Variants in RRP1B observed in about 807,000 individuals in gnomAD.
The protein encoded by RRP1B is ribosomal RNA processing 1B, also known as ribosomal RNA processing protein 1 homolog B.
Under a neutral mutation model 80.2 loss-of-function variants are expected in RRP1B, and 56 were observed. The ratio of observed to expected loss-of-function variants is 0.70; its 90% confidence interval spans 0.56 to 0.87. The LOEUF is 0.87. Among genes scored for constraint, RRP1B ranks in the 40% least tolerant of loss-of-function variants. RRP1B has a pLI of 0.00. For synonymous variants in RRP1B, 351 were observed against 357.6 expected (o/e 0.98, Z 0.21); for missense variants, 807 against 939.8 (o/e 0.86, Z 1.85).
chr21:43,677,124 T>TG (rs748502433), intron 8 of RRP1B, among the ~76,000 whole-genome samples: 2 of 152,210 alleles, frequency 1.3e-5, no homozygotes, highest in African/African-American at 4.8e-5. Context: ...ATCTGTCCCA[T>TG]GTGGCATACA....
intron 7 of RRP1B, among the ~76,000 whole-genome samples, 157 bp from the exon 8 acceptor site, chr21:43,676,576 G>C (rs922466772): frequency 1.3e-5 from 2 of 152,236 alleles, no homozygotes; most frequent in African/African-American, 4.8e-5. Context: ...CGTGCCTGTC[G>C]GGTGGCACTT....
chr21:43,677,480 C>G (rs1368189405), intron 8 of RRP1B, among the ~76,000 whole-genome samples: 1 of 152,178 alleles, frequency 6.6e-6, no homozygotes, highest in Non-Finnish European at 1.5e-5. Context: ...TTTATGGCAT[C>G]TGAATGCACA....
In RRP1B at chr21:43,659,734, CG is replaced by C; in HGVS notation, c.73del (p.Asp25ThrfsTer4). 6.5e-7 allele frequency: 1 copy of C among 1,532,646 alleles called. No individual in the cohort carries two copies. Among genetic ancestry groups the C allele is most frequent in the South Asian group, 1.2e-5 (1 of 82,082 alleles). The allele number at this position is 1,532,646 out of a possible 1,614,324, so 94.9% of individuals were successfully genotyped here. A position where few individuals can be genotyped will look rare whatever the true frequency, so the allele number is the denominator to read the frequency against. ...QRLASSEKGI[R>X]DRAVKKLRQY... ...GCTGGCGTCCAGCGAGAAGGGCATC[CG>C]GGACCGAGCGGTGAAGAAGCTGCGC... On this transcript the variant is annotated frameshift_variant, in exon 1 of 16. Coordinates refer to ENST00000340648, the MANE Select transcript of RRP1B (RefSeq NM_015056.3). LOFTEE classifies it high-confidence loss of function. The surrounding 1 kb of genome is among the most constrained non-coding windows in gnomAD (Gnocchi z 4.2).
At chr21:43,675,214 C>T (rs761284335) in intron 6 of RRP1B, 51 bp downstream of exon 6, 20 of 1,589,704 alleles carry the variant, frequency 1.3e-5, no homozygotes, top group Non-Finnish European at 1.6e-5. Flanking sequence ...CGCCAGTGTT[C>T]GCAGTAGTCG....
intron 8 of RRP1B, among the ~76,000 whole-genome samples, chr21:43,679,782 G>A (rs929010892): frequency 6.6e-6 from 1 of 152,144 alleles, no homozygotes; most frequent in Non-Finnish European, 1.5e-5. Context: ...ATGTGCTTCT[G>A]TATTTCCATT....
At chr21:43,688,885 G>A (rs1007458514) in intron 13 of RRP1B, among the ~76,000 whole-genome samples, 1 of 152,192 alleles carries the variant, frequency 6.6e-6, no homozygotes, top group Non-Finnish European at 1.5e-5. Flanking sequence ...CACCTCCCAG[G>A]TTCAAGCGAT....
At chr21:43,681,376 A>G (rs1305274205) in intron 8 of RRP1B, among the ~76,000 whole-genome samples, 1 of 139,134 alleles carries the variant, frequency 7.2e-6, no homozygotes, top group East Asian at 2.1e-4. Flanking sequence ...TTTTTTTGAG[A>G]TGGAGTTTCG....
At position 43,684,613 on chromosome 21, in the gene RRP1B, C is replaced by T. The variant is rs1016643338; in HGVS notation, c.952C>T (p.His318Tyr). 1 of 1,614,040 alleles carries T rather than the reference C, an allele frequency of 6.2e-7. No homozygotes were observed. Among genetic ancestry groups the T allele is most frequent in the African/African-American group, 1.3e-5 (1 of 74,914 alleles). ...LEMTSRKNTP[H>Y]FNRKRLSKLI... ...AATGACCAGCAGGAAGAACACGCCC[C>T]ACTTCAACAGGAAGCGCCTCTCCAA... The change falls in exon 10 of 16, where the codon CAC (histidine) becomes TAC (tyrosine). Residue 318 changes from histidine to tyrosine, a missense_variant. By Grantham distance (83) the His-to-Tyr change is moderately conservative (BLOSUM62 2). Transcript: ENST00000340648.
chr21:43,682,096 CATCTCTAAAA>C (rs957873389), intron 8 of RRP1B, among the ~76,000 whole-genome samples: 5 of 152,184 alleles, frequency 3.3e-5, no homozygotes, highest in Non-Finnish European at 5.9e-5. Context: ...ATGAGACCCC[CATCTCTAAAA>C]CAAAACGAAA....
At position 43,686,831 on chromosome 21, in the gene RRP1B, C is replaced by T. The variant is rs750282721; in HGVS notation, c.1037C>T (p.Ala346Val). ...EGSSISQLSF[A>V]EDISADEDDQ... is the part of the protein sequence containing the mutation. ...AGCAGTATATCTCAACTCAGTTTTGCGGAGGACATTTCTGCTGATGAAGAT... is the reference window on the plus strand; with the variant it reads ...AGCAGTATATCTCAACTCAGTTTTGTGGAGGACATTTCTGCTGATGAAGAT... The change falls in exon 12 of 16, where the codon GCG becomes GTG. Residue 346 changes from alanine (A) to valine (V), a missense_variant. By Grantham distance (64) the Ala-to-Val change is moderately conservative (BLOSUM62 0). Coordinates refer to ENST00000340648, the MANE Select transcript of RRP1B (RefSeq NM_015056.3). 1.7e-5 allele frequency: 28 copies of T among 1,613,762 alleles called. No homozygotes were observed. The highest frequency in any genetic ancestry group is 2.7e-5 in the African/African-American group (2 of 74,806).
intron 1 of RRP1B, among the ~76,000 whole-genome samples, chr21:43,665,059 G>A (rs956264198): frequency 2.0e-5 from 3 of 152,154 alleles, no homozygotes; most frequent in Non-Finnish European, 2.9e-5. Flanking sequence ...TTGTCACTCC[G>A]TCAGAATCTA....
intron 8 of RRP1B, among the ~76,000 whole-genome samples, chr21:43,681,554 C>T (rs1272886003): frequency 6.6e-6 from 1 of 152,112 alleles, no homozygotes; most frequent in African/African-American, 2.4e-5. Flanking sequence ...AGGCTGGTCT[C>T]GAACTCCCGA....
chr21:43,689,738 C>G (rs1490495032), intron 13 of RRP1B, among the ~76,000 whole-genome samples: 1 of 152,262 alleles, frequency 6.6e-6, no homozygotes, highest in Non-Finnish European at 1.5e-5. Context: ...CTTCCCTGCC[C>G]TCCAGGCGGC....
At chr21:43,674,611 T>A in intron 4 of RRP1B, 25 bp from the exon 5 acceptor site, 1 of 1,430,198 alleles carries the variant, frequency 7.0e-7, no homozygotes, top group Non-Finnish European at 9.5e-7. Context: ...TTTTTTTTTT[T>A]TAAACAAAAA....
At position 43,693,125 on chromosome 21, in the gene RRP1B, C is replaced by G. The variant is rs2083093699; in HGVS notation, c.2084-65C>G. The stretch of plus-strand genomic sequence containing the variant: ...GGTCGGCACCCAGGCAGGACGCTGT[C>G]TAAGGTGTTGAAGGGACAGCTGTCG... On this transcript the variant is annotated intron_variant, in intron 15 of 15. Transcript: ENST00000340648. The surrounding 1 kb of genome is among the most constrained non-coding windows in gnomAD (Gnocchi z 4.1). The G allele has an allele frequency of 1.3e-6, 2 of 1,562,140 alleles. No individual in the cohort carries two copies. Among genetic ancestry groups the G allele is most frequent in the Non-Finnish European group, 1.8e-6 (2 of 1,138,958 alleles).
At chr21:43,685,331 C>G (rs1309387346) in intron 10 of RRP1B, among the ~76,000 whole-genome samples, 1 of 152,218 alleles carries the variant, frequency 6.6e-6, no homozygotes, top group Non-Finnish European at 1.5e-5. Flanking sequence ...ATGCACCTCC[C>G]CACACTGCGC....
chr21:43,660,147 G>A (rs2082944826), intron 1 of RRP1B, among the ~76,000 whole-genome samples: 1 of 152,188 alleles, frequency 6.6e-6, no homozygotes, highest in Non-Finnish European at 1.5e-5. Flanking sequence ...GCACCTTTAC[G>A]TGACGGGGCT....
In RRP1B at chr21:43,661,518, C is replaced by T. The variant is rs373579619; in HGVS notation, c.130+1724C>T. On this transcript the variant is annotated intron_variant, in intron 1 of 15. Coordinates refer to ENST00000340648, the MANE Select transcript of RRP1B (RefSeq NM_015056.3). ...GGCCCACATCCAGTGGGAGGACCCC[C>T]GTCCTCCCTCGTTCACCTCCTGATG... Among the ~76,000 whole-genome samples the T allele has an allele frequency of 5.9e-5, 9 of 152,258 alleles. No individual in the cohort carries two copies. The South Asian group carries it at 1.7e-3, about 28-fold the overall frequency.
At chr21:43,688,291 G>T in intron 13 of RRP1B, 51 bp downstream of exon 13, 1 of 1,475,298 alleles carries the variant, frequency 6.8e-7, no homozygotes, top group Non-Finnish European at 9.0e-7. Context: ...ACTCACTCGC[G>T]TCCATGGGGC....
Sources: allele counts gnomAD v4.1 joint callset (sites outside exome capture counted in the v4.1 genomes callset), GRCh38; gene constraint gnomAD v4.1.1; non-coding constraint Gnocchi (gnomAD v3.1); transcripts MANE v1.5; gene names NCBI Gene and HGNC (gene_info 2026-07-23, HGNC 2026-07-21).